SGCD: variants seen among roughly 807,000 people sequenced by gnomAD.
The protein encoded by SGCD is delta-sarcoglycan.
Under a neutral mutation model 36.6 loss-of-function variants are expected in SGCD, and 18 were observed. That is an observed-to-expected ratio of 0.49 (90% CI 0.34 to 0.73). The LOEUF is 0.73. Among genes scored for constraint, SGCD ranks in the 30% least tolerant of loss-of-function variants. The probability of loss-of-function intolerance (pLI) is 0.01; values close to 1 mark genes in which losing one functional copy is unlikely to be tolerated. For missense variants in SGCD, 387 were observed against 346.7 expected (o/e 1.12, Z -0.92); for synonymous variants, 133 against 130.6 (o/e 1.02, Z -0.12).
intron 3 of SGCD, among the ~76,000 whole-genome samples, chr5:156,133,541 C>T (rs928171685): frequency 6.6e-6 from 1 of 152,134 alleles, no homozygotes; most frequent in African/African-American, 2.4e-5. Context: ...ATTCTCTCAT[C>T]TGATCTTTGC....
chr5:156,139,318 G>A (rs937989389), intron 3 of SGCD, among the ~76,000 whole-genome samples: 2 of 151,758 alleles, frequency 1.3e-5, no homozygotes, highest in African/African-American at 4.9e-5. Flanking sequence ...TTATATTTAG[G>A]GTAGCAGTCT....
chr5:156,516,689 T>A (rs967950585), intron 4 of SGCD, among the ~76,000 whole-genome samples: 62 of 152,240 alleles, frequency 4.1e-4, no homozygotes, highest in African/African-American at 1.4e-3. Flanking sequence ...CTGACATAAG[T>A]AGGCTTCAGA....
At chr5:156,081,954 G>A (rs1760966081) in intron 1 of SGCD, among the ~76,000 whole-genome samples, 1 of 152,092 alleles carries the variant, frequency 6.6e-6, no homozygotes, top group African/African-American at 2.4e-5. Context: ...TAATTTTAGA[G>A]ATATAGTAAA....
chr5:155,766,813 G>C, the SGCD span, among the ~76,000 whole-genome samples: 1 of 152,120 alleles, frequency 6.6e-6, no homozygotes, highest in African/African-American at 2.4e-5. Flanking sequence ...CTGAGTGATT[G>C]TCCAGGGTCA....
At chr5:155,966,414 A>G (rs953814936) in intron 1 of SGCD, among the ~76,000 whole-genome samples, 8 of 152,136 alleles carry the variant, frequency 5.3e-5, no homozygotes, top group African/African-American at 1.9e-4. Context: ...ACCCATTCTT[A>G]CTGAAAGGGT....
chr5:156,406,018 TAA>T lies in SGCD; in HGVS notation c.192+61356_192+61357del, dbSNP rs10529406. Among the ~76,000 whole-genome samples the T allele has an allele frequency of 1.3e-4, 13 of 103,944 alleles. 1 individual carries two copies. Among genetic ancestry groups the T allele is most frequent in the South Asian group, 8.1e-4 (2 of 2,458 alleles). 68.2% of individuals were successfully genotyped at this position (103,944 alleles called of 152,430 possible). ...TGCTGTATTTGGCCCTATCTTTGCT[TAA>T]AAAAAAAAAAAAAAGGCCTCTGGGC... On this transcript the variant is annotated intron_variant, in intron 3 of 8. Coordinates refer to ENST00000337851, the MANE Select transcript of SGCD (RefSeq NM_000337.6).
chr5:156,706,829 C>T (rs1754763163), intron 7 of SGCD, among the ~76,000 whole-genome samples: 1 of 152,098 alleles, frequency 6.6e-6, no homozygotes, highest in East Asian at 1.9e-4. Context: ...ATTGTTGATT[C>T]AGTCTGGTAT....
the SGCD span, among the ~76,000 whole-genome samples, chr5:155,816,224 C>T: frequency 2.0e-5 from 3 of 152,116 alleles, no homozygotes; most frequent in African/African-American, 7.2e-5. Context: ...GTGCCAACCC[C>T]CTGCACAAAT....
chr5:156,183,409 C>A (rs2127628262), intron 3 of SGCD, among the ~76,000 whole-genome samples: 1 of 152,146 alleles, frequency 6.6e-6, no homozygotes, highest in East Asian at 1.9e-4. Context: ...ACTATTATTA[C>A]TAATATTATC....
At chr5:156,730,225 T>C (rs577112249) in intron 7 of SGCD, among the ~76,000 whole-genome samples, 1 of 152,170 alleles carries the variant, frequency 6.6e-6, no homozygotes, top group Non-Finnish European at 1.5e-5. Context: ...TCTGTGCAGT[T>C]TTTTTTAGCT....
At chr5:156,144,889 A>G (rs1367924976) in intron 3 of SGCD, among the ~76,000 whole-genome samples, 1 of 152,222 alleles carries the variant, frequency 6.6e-6, no homozygotes, top group African/African-American at 2.4e-5. Flanking sequence ...GGCAGAAGGG[A>G]CTAACTAGCC....
In SGCD at chr5:156,653,493, C is replaced by CTTTTTTTTTTTTTTTTTTTTTTTTTTT. The variant is rs111458843; in HGVS notation, c.575+5972_575+5973insTTTTTTTTTTTTTTTTTTTTTTTTTTT. Among the ~76,000 whole-genome samples, 45 of 48,102 alleles carry CTTTTTTTTTTTTTTTTTTTTTTTTTTT rather than the reference C, an allele frequency of 9.4e-4. 14 individuals carry two copies. Among genetic ancestry groups the CTTTTTTTTTTTTTTTTTTTTTTTTTTT allele is most frequent in the Middle Eastern group, 0.019 (1 of 54 alleles). 31.6% of individuals were successfully genotyped at this position (48,102 alleles called of 152,430 possible). A position where few individuals can be genotyped will look rare whatever the true frequency, so the allele number is the denominator to read the frequency against. On this transcript the variant is annotated intron_variant, in intron 7 of 8. Transcript: ENST00000337851. ...TTTTCTTACGTAATTCTAAAGCTTG[C>CTTTTTTTTTTTTTTTTTTTTTTTTTTT]TTTTTTTTTTTTTTTGCCCCTGTTG... is the stretch of plus-strand genomic sequence containing the variant.
At chr5:156,683,174 T>C (rs1333387505) in intron 7 of SGCD, among the ~76,000 whole-genome samples, 1 of 152,220 alleles carries the variant, frequency 6.6e-6, no homozygotes, top group Non-Finnish European at 1.5e-5. Context: ...CCACATTAGA[T>C]TGCAGGAAAC....
chr5:156,711,791 G>A (rs930467270), intron 7 of SGCD, among the ~76,000 whole-genome samples: 1 of 152,182 alleles, frequency 6.6e-6, no homozygotes, highest in Non-Finnish European at 1.5e-5. Context: ...TCTCATGCAA[G>A]AAAGAACTCA....
the SGCD span, among the ~76,000 whole-genome samples, chr5:155,764,507 G>A: frequency 6.6e-6 from 1 of 152,160 alleles, no homozygotes; most frequent in African/African-American, 2.4e-5. Flanking sequence ...CATTCTGGAG[G>A]CTGAAAGGTC....
chr5:156,289,224 G>T (rs897378407), intron 3 of SGCD, among the ~76,000 whole-genome samples: 1 of 152,030 alleles, frequency 6.6e-6, no homozygotes, highest in Non-Finnish European at 1.5e-5. Context: ...TAGCATTAAG[G>T]ATCCTATTTA....
In SGCD at chr5:155,945,871, G is replaced by A. The variant is rs1469567220; in HGVS notation, c.-282+75447G>A. Reference sequence around the variant, plus strand: ...GTGATTTGCTTTTTAAAATATCACTGTGGCTGCTTTGTAGAGAGTCACCTG... The same window carrying A: ...GTGATTTGCTTTTTAAAATATCACTATGGCTGCTTTGTAGAGAGTCACCTG... On this transcript the variant is annotated intron_variant, in intron 1 of 9. Coordinates refer to the SGCD transcript ENST00000517913. 1.8e-4 allele frequency among the ~76,000 whole-genome samples: 27 copies of A among 152,208 alleles called. 1 individual carries two copies. Among genetic ancestry groups the A allele is most frequent in the Admixed American group, 1.8e-3 (27 of 15,276 alleles).
intron 3 of SGCD, among the ~76,000 whole-genome samples, chr5:156,362,509 A>G (rs1769852765): frequency 6.6e-6 from 1 of 152,128 alleles, no homozygotes; most frequent in Admixed American, 6.5e-5. Context: ...AGCTGGGAGT[A>G]GTGGTGCGCA....
chr5:156,082,546 G>T (rs1405736845), intron 1 of SGCD, among the ~76,000 whole-genome samples: 1 of 152,256 alleles, frequency 6.6e-6, no homozygotes, highest in South Asian at 2.1e-4. Context: ...CCAAGTTGTT[G>T]CATATATCAG....
Sources: gnomAD v4.1 joint callset for allele counts (sites outside exome capture counted in the v4.1 genomes callset) on GRCh38, gnomAD v4.1.1 for gene constraint, MANE v1.5 for transcripts, NCBI Gene and HGNC (gene_info 2026-07-23, HGNC 2026-07-21) for gene names.